The following UBE2V2 variants were observed in gnomAD, a reference collection of about 807,000 sequenced individuals.
UBE2V2 encodes the protein ubiquitin-conjugating enzyme E2 variant 2.
In UBE2V2, 9 loss-of-function variants were observed where a neutral mutation model predicts 17.2. That is an observed-to-expected ratio of 0.52 (90% CI 0.32 to 0.91). The LOEUF (loss-of-function observed/expected upper bound fraction) is 0.91. UBE2V2 is among the 40% of genes least tolerant of loss of function. The probability of loss-of-function intolerance (pLI) is 0.04; values close to 1 mark genes in which losing one functional copy is unlikely to be tolerated. For synonymous variants in UBE2V2, 61 were observed against 57.5 expected, an observed-to-expected ratio of 1.06 and a Z score of -0.28; for missense variants, 133 against 182.6, an observed-to-expected ratio of 0.73 and a Z score of 1.56.
chr8:48,042,811 G>A (rs536743924), intron 1 of UBE2V2: 46 of 357,758 alleles, frequency 1.3e-4, no homozygotes, highest in African/African-American at 5.6e-4. Flanking sequence ...TTATATACAC[G>A]TTGTATACTG....
intron 1 of UBE2V2, among the ~76,000 whole-genome samples, chr8:48,010,255 G>C (rs1306262966): frequency 1.9e-5 from 2 of 105,136 alleles, no homozygotes; most frequent in African/African-American, 7.5e-5. Context: ...TTTTTTTTTT[G>C]AGATGGAGTC....
chr8:48,002,911 A>G, the UBE2V2 span, among the ~76,000 whole-genome samples: 1 of 151,828 alleles, frequency 6.6e-6, no homozygotes, highest in African/African-American at 2.4e-5. Context: ...TCATGTCGTT[A>G]AAAAAGAAAG....
Position 48,064,440 on chromosome 8 carries a change from T to C in UBE2V2, c.*3612T>C, listed in dbSNP as rs1488613057. The C allele has an allele frequency of 1.3e-5, 2 of 152,178 alleles. No individual in the cohort carries two copies. Among genetic ancestry groups the C allele is most frequent in the East Asian group, 3.8e-4 (2 of 5,198 alleles). 9.4% of individuals were successfully genotyped at this position (152,178 alleles called of 1,614,324 possible). The stretch of plus-strand genomic sequence containing the variant: ...GAATTGTTGATAGGAACATTAGCAG[T>C]TAATTTTTACCTGATACTGAGTTTA... On this transcript the variant is annotated 3_prime_UTR_variant, in exon 4 of 4. Transcript: ENST00000523111.
At chr8:48,022,793 T>G (rs903972124) in intron 1 of UBE2V2, among the ~76,000 whole-genome samples, 10 of 151,990 alleles carry the variant, frequency 6.6e-5, no homozygotes. Flanking sequence ...AAAGGACAGA[T>G]TTTTTCCTGG....
chr8:48,001,044 A>G, the UBE2V2 span, among the ~76,000 whole-genome samples: 2 of 152,090 alleles, frequency 1.3e-5, no homozygotes, highest in Non-Finnish European at 2.9e-5. Flanking sequence ...TTGTGGATTG[A>G]GCCTTTCAAA....
At chr8:48,020,307 G>A (rs1485447020) in intron 1 of UBE2V2, among the ~76,000 whole-genome samples, 1 of 152,102 alleles carries the variant, frequency 6.6e-6, no homozygotes, top group Non-Finnish European at 1.5e-5. Context: ...AGAATGCTGG[G>A]ATTATAGGGT....
intron 1 of UBE2V2, 107 bp downstream of exon 1, chr8:48,008,577 C>T: frequency 6.9e-7 from 1 of 1,441,032 alleles, no homozygotes; most frequent in Non-Finnish European, 9.1e-7. Flanking sequence ...CCCGAGTGCG[C>T]TGTCTCGAAT....
chr8:48,050,762 G>A (rs937794407), intron 3 of UBE2V2, among the ~76,000 whole-genome samples: 1 of 152,152 alleles, frequency 6.6e-6, no homozygotes, highest in African/African-American at 2.4e-5. Flanking sequence ...GGTACATTTG[G>A]TGGGATTAAA....
At chr8:48,037,695 T>C (rs992389420) in intron 1 of UBE2V2, among the ~76,000 whole-genome samples, 8 of 152,202 alleles carry the variant, frequency 5.3e-5, no homozygotes, top group African/African-American at 1.9e-4. Flanking sequence ...CTAGCCACAA[T>C]TCTTTGGCTC....
At chr8:48,024,293 G>A (rs181243345) in intron 1 of UBE2V2, among the ~76,000 whole-genome samples, 1 of 152,182 alleles carries the variant, frequency 6.6e-6, no homozygotes, top group African/African-American at 2.4e-5. Context: ...TCCAGAGCTG[G>A]TATCTTGATT....
Position 48,064,394 on chromosome 8 carries a change from G to A in UBE2V2, c.*3566G>A, listed in dbSNP as rs1802634135. ...GTATTTTTTTGTATACAAGATAAAA[G>A]TGTCATAAAAAGGAATGGATGAATT... On this transcript the variant is annotated 3_prime_UTR_variant, in exon 4 of 4. Coordinates refer to ENST00000523111, the MANE Select transcript of UBE2V2 (RefSeq NM_003350.3). 1 of 152,120 alleles carries A rather than the reference G, an allele frequency of 6.6e-6. No individual in the cohort carries two copies. The highest frequency in any genetic ancestry group is 1.5e-5 in the Non-Finnish European group (1 of 68,026). 9.4% of individuals were successfully genotyped at this position (152,120 alleles called of 1,614,324 possible).
At chr8:48,040,205 C>T (rs1421097716) in intron 1 of UBE2V2, among the ~76,000 whole-genome samples, 1 of 151,992 alleles carries the variant, frequency 6.6e-6, no homozygotes, top group Non-Finnish European at 1.5e-5. Flanking sequence ...CCTTCACATT[C>T]GATTTTGTTT....
chr8:48,049,201 A>G (rs2091519198), intron 2 of UBE2V2, among the ~76,000 whole-genome samples: 1 of 152,228 alleles, frequency 6.6e-6, no homozygotes, highest in Non-Finnish European at 1.5e-5. Flanking sequence ...CTCAAAATTA[A>G]TGAAGTGGCA....
chr8:48,059,372 G>A (rs1022373472), intron 3 of UBE2V2, among the ~76,000 whole-genome samples: 11 of 151,158 alleles, frequency 7.3e-5, no homozygotes, highest in South Asian at 2.1e-4. Flanking sequence ...GAGACACTTC[G>A]TTTCCCAGCT....
intron 2 of UBE2V2, among the ~76,000 whole-genome samples, chr8:48,046,230 C>T (rs1413258853): frequency 6.6e-6 from 1 of 152,166 alleles, no homozygotes; most frequent in Non-Finnish European, 1.5e-5. Flanking sequence ...TACCATTCTC[C>T]TGCCTTAGCC....
intron 1 of UBE2V2, chr8:48,042,084 C>T (rs961303635): frequency 6.6e-6 from 1 of 152,206 alleles, no homozygotes; most frequent in East Asian, 1.9e-4. Context: ...CAGCCGTATC[C>T]ACTCTTTTAA....
intron 2 of UBE2V2, among the ~76,000 whole-genome samples, chr8:48,048,461 C>T (rs1045668792): frequency 2.0e-5 from 3 of 151,976 alleles, no homozygotes; most frequent in Non-Finnish European, 4.4e-5. Context: ...GGGTAAATGC[C>T]TAGGAATAGA....
In UBE2V2 at chr8:48,063,446, T is replaced by G. The variant is rs1802623603; in HGVS notation, c.*2618T>G. The G allele has an allele frequency of 6.6e-6, 1 of 152,258 alleles. No homozygotes were observed. The highest frequency in any genetic ancestry group is 2.4e-5 in the African/African-American group (1 of 41,474). The allele number at this position is 152,258 out of a possible 1,614,324, so 9.4% of individuals were successfully genotyped here. On this transcript the variant is annotated 3_prime_UTR_variant, in exon 4 of 4. Transcript: ENST00000523111. ...GGAGTGTGTGGTATTTATTACCTTT[T>G]AAATGAACTGTAAATTTGCCTTAGA...
intron 3 of UBE2V2, among the ~76,000 whole-genome samples, chr8:48,051,186 C>T (rs1032001296): frequency 1.3e-5 from 2 of 152,082 alleles, no homozygotes; most frequent in African/African-American, 4.8e-5. Flanking sequence ...CTGCTTGACC[C>T]ACACAAGTTA....
Sources: gnomAD v4.1 joint callset for allele counts (sites outside exome capture counted in the v4.1 genomes callset) on GRCh38, gnomAD v4.1.1 for gene constraint, MANE v1.5 for transcripts, NCBI Gene and HGNC (gene_info 2026-07-23, HGNC 2026-07-21) for gene names.